The following PMPCB variants were observed in gnomAD, a reference collection of about 807,000 sequenced individuals.
The protein encoded by PMPCB is peptidase, mitochondrial processing subunit beta.
Under a neutral mutation model 61.5 loss-of-function variants are expected in PMPCB, and 46 were observed. That is an observed-to-expected ratio of 0.75 (90% confidence interval 0.59 to 0.96). The LOEUF is 0.96. Among genes scored for constraint, PMPCB ranks in the 40% least tolerant of loss-of-function variants. The pLI is 0.00. For missense variants in PMPCB, 590 were observed against 602.4 expected, an observed-to-expected ratio of 0.98 and a Z score of 0.22; for synonymous variants, 191 against 201.6, an observed-to-expected ratio of 0.95 and a Z score of 0.44.
intron 6 of PMPCB, among the ~76,000 whole-genome samples, chr7:103,305,089 T>C (rs1817542370): frequency 6.6e-6 from 1 of 152,272 alleles, no homozygotes; most frequent in African/African-American, 2.4e-5. Context: ...GATGGTGTTC[T>C]GTACTTTGAG....
At chr7:103,334,107 C>T (rs754553615), downstream of PMPCB, among the ~76,000 whole-genome samples, 1 of 152,022 alleles carries the variant, frequency 6.6e-6, no homozygotes, top group Non-Finnish European at 1.5e-5. Context: ...CCCGCCACCA[C>T]GCCCAGCTGA....
chr7:103,334,498 C>G (rs1025973254), downstream of PMPCB, among the ~76,000 whole-genome samples: 6 of 151,596 alleles, frequency 4.0e-5, no homozygotes, highest in African/African-American at 1.5e-4. Context: ...ACCACTTGAA[C>G]CCTGGAGATG....
intron 2 of PMPCB, 55 bp from the exon 3 acceptor site, chr7:103,299,388 C>T: frequency 9.1e-7 from 1 of 1,101,896 alleles, no homozygotes; most frequent in Non-Finnish European, 1.3e-6. Flanking sequence ...GACTGTTCCC[C>T]CCAACCTCAA....
downstream of PMPCB, chr7:103,315,636 G>C: frequency 1.7e-6 from 1 of 587,896 alleles, no homozygotes; most frequent in Non-Finnish European, 3.0e-6. Flanking sequence ...GGAAATGTTT[G>C]CTTACAGCTT....
intron 4 of PMPCB, among the ~76,000 whole-genome samples, chr7:103,301,811 T>C (rs1586040232): frequency 6.6e-6 from 1 of 152,284 alleles, no homozygotes; most frequent in South Asian, 2.1e-4. Flanking sequence ...TTTTATTTTT[T>C]ATTATTATAC....
intron 1 of PMPCB, chr7:103,297,807 G>T (rs1488776997): frequency 1.3e-6 from 2 of 1,525,990 alleles, no homozygotes; most frequent in Admixed American, 2.0e-5. Flanking sequence ...CAGCTACTGA[G>T]GAGTGCATGT....
chr7:103,299,291 T>C (rs968159171), intron 2 of PMPCB, 152 bp from the exon 3 acceptor site: 2 of 571,660 alleles, frequency 3.5e-6, no homozygotes, highest in Admixed American at 3.4e-5. Context: ...TTAAATCTCA[T>C]AGTTCACAGG....
At chr7:103,331,612 T>C (rs1431338902), downstream of PMPCB, among the ~76,000 whole-genome samples, 1 of 152,214 alleles carries the variant, frequency 6.6e-6, no homozygotes. Flanking sequence ...GAACATGCAA[T>C]ATTTGCCTTT....
At chr7:103,316,114 A>G (rs746838027), downstream of PMPCB, 2 of 1,433,474 alleles carry the variant, frequency 1.4e-6, no homozygotes, top group Non-Finnish European at 1.9e-6. Context: ...ATACAATAAT[A>G]TGAATAGTAG....
chr7:103,301,946 C>T (rs900842855), intron 4 of PMPCB, among the ~76,000 whole-genome samples: 1 of 152,160 alleles, frequency 6.6e-6, no homozygotes, highest in Admixed American at 6.5e-5. Context: ...CGCTATCCCT[C>T]CCTGCTCCCA....
intron 7 of PMPCB, among the ~76,000 whole-genome samples, 160 bp downstream of exon 7, chr7:103,307,868 ATTC>A (rs1232306151): frequency 6.6e-6 from 1 of 152,198 alleles, no homozygotes. Flanking sequence ...CCTCTTCCGT[ATTC>A]TTTAACCACC....
chr7:103,332,320 T>A (rs1819010831), downstream of PMPCB, among the ~76,000 whole-genome samples: 1 of 152,226 alleles, frequency 6.6e-6, no homozygotes, highest in Admixed American at 6.5e-5. Context: ...GCTATTATTT[T>A]TAACATTTTA....
At chr7:103,315,323 T>C (rs1817988655), downstream of PMPCB, among the ~76,000 whole-genome samples, 1 of 152,158 alleles carries the variant, frequency 6.6e-6, no homozygotes, top group Non-Finnish European at 1.5e-5. Context: ...TTGCTAATTA[T>C]TTTTACCTAT....
chr7:103,344,723 C>T, the PMPCB span: 3 of 1,293,098 alleles, frequency 2.3e-6, no homozygotes, highest in South Asian at 2.4e-5. Context: ...AGCCTCGCGC[C>T]TTGGCTCTAA....
intron 12 of PMPCB, chr7:103,327,660 A>C (rs1446016431): frequency 6.3e-7 from 1 of 1,586,610 alleles, no homozygotes; most frequent in Non-Finnish European, 8.6e-7. Flanking sequence ...TCTTACCTTT[A>C]GTTATGCAAG....
chr7:103,328,174 G>A (rs1009708124), intron 12 of PMPCB, among the ~76,000 whole-genome samples: 3 of 151,424 alleles, frequency 2.0e-5, no homozygotes, highest in South Asian at 2.1e-4. Context: ...CACCCGCCTC[G>A]GCCTCCGAAA....
the PMPCB span, among the ~76,000 whole-genome samples, chr7:103,342,325 G>A: frequency 6.8e-6 from 1 of 147,982 alleles, no homozygotes; most frequent in Non-Finnish European, 1.5e-5. Context: ...TTTTTTTTGA[G>A]ATGAAGTTTT....
intron 12 of PMPCB, chr7:103,327,612 AACAATT>A (rs761924738): frequency 7.9e-7 from 1 of 1,267,794 alleles, no homozygotes; most frequent in South Asian, 1.3e-5. Flanking sequence ...ATTAATAAAT[AACAATT>A]ACTATTAGAA....
At chr7:103,305,232 T>C (rs1353989753) in intron 6 of PMPCB, among the ~76,000 whole-genome samples, 1 of 152,120 alleles carries the variant, frequency 6.6e-6, no homozygotes, top group Non-Finnish European at 1.5e-5. Flanking sequence ...GAGAAGCACA[T>C]AGGGAGCCAT....
Sources: allele counts gnomAD v4.1 joint callset (sites outside exome capture counted in the v4.1 genomes callset), GRCh38; gene constraint gnomAD v4.1.1; transcripts MANE v1.5; gene names NCBI Gene and HGNC (gene_info 2026-07-23, HGNC 2026-07-21).